The following LPIN1 variants were observed in gnomAD, a reference collection of about 807,000 sequenced individuals.
LPIN1 encodes phosphatidate phosphatase LPIN1.
A neutral mutation model predicts 107.5 loss-of-function variants in LPIN1; 71 were observed. That is an observed-to-expected ratio of 0.66 (90% confidence interval 0.55 to 0.80). The LOEUF is 0.80. Among genes scored for constraint, LPIN1 ranks in the 30% least tolerant of loss-of-function variants. The probability of loss-of-function intolerance (pLI) is 0.00; values close to 1 mark genes in which losing one functional copy is unlikely to be tolerated. For synonymous variants in LPIN1, 445 were observed against 452.6 expected (o/e 0.98, Z 0.21); for missense variants, 1,043 against 1,160.6 (o/e 0.90, Z 1.47).
chr2:11,801,983 C>A (rs1469018283), intron 14 of LPIN1, among the ~76,000 whole-genome samples: 1 of 152,078 alleles, frequency 6.6e-6, no homozygotes, highest in African/African-American at 2.4e-5. Context: ...ATACTCTAAC[C>A]TTGCCTAGAG....
At chr2:11,720,153 C>A (rs562329405), upstream of LPIN1, among the ~76,000 whole-genome samples, 51 of 152,258 alleles carry the variant, frequency 3.3e-4, no homozygotes, top group African/African-American at 1.2e-3. Context: ...AAATGGCCCA[C>A]AATAAAGGCA....
upstream of LPIN1, among the ~76,000 whole-genome samples, chr2:11,742,726 G>A (rs1666498248): frequency 6.6e-6 from 1 of 152,164 alleles, no homozygotes; most frequent in Non-Finnish European, 1.5e-5. Context: ...CTGTGTCTTA[G>A]CCCCGCTCAT....
upstream of LPIN1, among the ~76,000 whole-genome samples, chr2:11,741,801 C>T (rs780567265): frequency 3.3e-5 from 5 of 152,006 alleles, no homozygotes; most frequent in Admixed American, 6.6e-5. Flanking sequence ...CAGAGTGAGA[C>T]TCCATCTCAA....
At chr2:11,739,016 T>C (rs554448655) in intron 1 of LPIN1, among the ~76,000 whole-genome samples, 1 of 152,288 alleles carries the variant, frequency 6.6e-6, no homozygotes, top group East Asian at 1.9e-4. Context: ...TACACCTACC[T>C]CCCTTGAATG....
intron 7 of LPIN1, among the ~76,000 whole-genome samples, chr2:11,781,741 C>T (rs1212803183): frequency 6.6e-6 from 1 of 152,182 alleles, no homozygotes; most frequent in Non-Finnish European, 1.5e-5. Context: ...CAGAGCATGA[C>T]CAGCAGCATG....
chr2:11,767,221 G>A (rs757165279), intron 2 of LPIN1, among the ~76,000 whole-genome samples: 1 of 152,156 alleles, frequency 6.6e-6, no homozygotes, highest in Non-Finnish European at 1.5e-5. Flanking sequence ...TTAAGTTCAA[G>A]AGGAAACTCT....
rs73189058 is a variant in LPIN1, at chr2:11,820,285, A to G, written c.2518-126A>G. The G allele has an allele frequency of 8.6e-4, 594 of 692,954 alleles. 3 individuals are homozygous for G. In the African/African-American group the frequency reaches 9.3e-3, roughly 11 times the overall value. The allele number at this position is 692,954 out of a possible 1,614,324, so 42.9% of individuals were successfully genotyped here. On this transcript the variant is annotated intron_variant, in intron 19 of 20. Coordinates refer to ENST00000674199, the MANE Select transcript of LPIN1 (RefSeq NM_001349206.2). ...CCATCAAAGGATATTCTTTCACTGC[A>G]CCACTTTGAGGTAGAGCTCTGGTTA...
At chr2:11,683,507 A>C (rs1661834890) in intron 1 of LPIN1, among the ~76,000 whole-genome samples, 1 of 152,112 alleles carries the variant, frequency 6.6e-6, no homozygotes, top group East Asian at 1.9e-4. Flanking sequence ...GATGGCCTGG[A>C]GTTGAACGTG....
chr2:11,688,521 C>T (rs1662119620), intron 1 of LPIN1, among the ~76,000 whole-genome samples: 1 of 152,160 alleles, frequency 6.6e-6, no homozygotes, highest in African/African-American at 2.4e-5. Flanking sequence ...CCTCATTTAC[C>T]CCGTAAAAGT....
chr2:11,711,044 A>T (rs1213703583), intron 1 of LPIN1, among the ~76,000 whole-genome samples: 1 of 152,180 alleles, frequency 6.6e-6, no homozygotes, highest in East Asian at 1.9e-4. Flanking sequence ...CTTGTATTTG[A>T]TTTAAAACTT....
chr2:11,714,627 C>G (rs1363040988), intron 2 of LPIN1, among the ~76,000 whole-genome samples: 1 of 152,186 alleles, frequency 6.6e-6, no homozygotes, highest in Non-Finnish European at 1.5e-5. Context: ...AGATCTTACC[C>G]CTGAGATGCT....
chr2:11,685,075 C>T (rs56960281), intron 1 of LPIN1, among the ~76,000 whole-genome samples: 6,696 of 152,092 alleles, frequency 0.044, 226 homozygotes, highest in African/African-American at 0.097. Flanking sequence ...AACGGGGAGC[C>T]CGAGACGGGA....
At chr2:11,811,998 A>G (rs1679751260) in intron 17 of LPIN1, among the ~76,000 whole-genome samples, 1 of 152,248 alleles carries the variant, frequency 6.6e-6, no homozygotes, top group Non-Finnish European at 1.5e-5. Flanking sequence ...AAAAAGAAAA[A>G]AAAAGAAATT....
intron 1 of LPIN1, among the ~76,000 whole-genome samples, chr2:11,689,133 G>A (rs1437558179): frequency 6.6e-6 from 1 of 152,188 alleles, no homozygotes; most frequent in African/African-American, 2.4e-5. Context: ...TTTGTTTACC[G>A]AGTGCTCTCT....
intron 14 of LPIN1, among the ~76,000 whole-genome samples, chr2:11,798,369 G>A (rs1677094637): frequency 6.6e-6 from 1 of 152,120 alleles, no homozygotes; most frequent in Admixed American, 6.5e-5. Flanking sequence ...TGGGCACAGT[G>A]GCATTGCTGG....
intron 1 of LPIN1, among the ~76,000 whole-genome samples, chr2:11,764,454 T>C (rs931826916): frequency 3.3e-5 from 5 of 152,234 alleles, no homozygotes; most frequent in Non-Finnish European, 7.3e-5. Context: ...GCTAGTTCCT[T>C]GTATATTACC....
At chr2:11,685,630 C>T (rs1215558390) in intron 1 of LPIN1, among the ~76,000 whole-genome samples, 5 of 152,164 alleles carry the variant, frequency 3.3e-5, no homozygotes, top group Admixed American at 3.3e-4. Flanking sequence ...AGATCTGGTG[C>T]ATCCTTTTGT....
intron 1 of LPIN1, among the ~76,000 whole-genome samples, chr2:11,756,672 T>C (rs1457446684): frequency 6.6e-6 from 1 of 152,228 alleles, no homozygotes. Flanking sequence ...GCTGGCATTA[T>C]AGGCGTGAGT....
At chr2:11,775,932 T>C (rs1672603459) in intron 5 of LPIN1, among the ~76,000 whole-genome samples, 154 bp from the exon 6 acceptor site, 2 of 141,568 alleles carry the variant, frequency 1.4e-5, no homozygotes, top group Admixed American at 6.9e-5. Context: ...TATAATCTTA[T>C]ATATAGTCTT....
Sources: gnomAD v4.1 joint callset for allele counts (sites outside exome capture counted in the v4.1 genomes callset) on GRCh38, gnomAD v4.1.1 for gene constraint, MANE v1.5 for transcripts, NCBI Gene and HGNC (gene_info 2026-07-23, HGNC 2026-07-21) for gene names.